PRKCB: variants seen among roughly 807,000 people sequenced by gnomAD.
The protein encoded by PRKCB is protein kinase C beta type.
Under a neutral mutation model 81.5 loss-of-function variants are expected in PRKCB, and 13 were observed. That is an observed-to-expected ratio of 0.16 (90% CI 0.10 to 0.25). The LOEUF is 0.25. Ranked by LOEUF, PRKCB falls within the 10% of genes least tolerant of loss-of-function variation. The probability of loss-of-function intolerance (pLI) is 1.00; values close to 1 mark genes in which losing one functional copy is unlikely to be tolerated. For missense variants in PRKCB, 509 were observed against 875.7 expected (o/e 0.58, Z 5.29); for synonymous variants, 335 against 321.4 (o/e 1.04, Z -0.45).
intron 2 of PRKCB, among the ~76,000 whole-genome samples, chr16:23,861,477 C>G (rs186753418): frequency 3.3e-5 from 5 of 152,250 alleles, no homozygotes; most frequent in Non-Finnish European, 4.4e-5. Flanking sequence ...TGCTTTGGTT[C>G]TTAAAAACAG....
chr16:24,122,587 GT>G (rs1318129803), intron 8 of PRKCB, among the ~76,000 whole-genome samples: 1 of 151,822 alleles, frequency 6.6e-6, no homozygotes, highest in Non-Finnish European at 1.5e-5. Context: ...GGCCTCCCAG[GT>G]AGCTGGGATG....
intron 5 of PRKCB, among the ~76,000 whole-genome samples, chr16:24,054,155 A>G (rs949704020): frequency 6.6e-6 from 1 of 151,982 alleles, no homozygotes; most frequent in South Asian, 2.1e-4. Context: ...TAAAAATTTT[A>G]TAATAGAGAT....
intron 2 of PRKCB, among the ~76,000 whole-genome samples, chr16:23,872,198 C>G (rs1962916746): frequency 6.6e-6 from 1 of 152,202 alleles, no homozygotes; most frequent in Admixed American, 6.5e-5. Context: ...TACAGCACTT[C>G]CAGGTGGCTG....
chr16:24,094,531 C>T (rs748262201), intron 7 of PRKCB, among the ~76,000 whole-genome samples: 6 of 152,028 alleles, frequency 3.9e-5, no homozygotes, highest in African/African-American at 9.7e-5. Context: ...TCTGGGAGGC[C>T]GAGGCAGGTA....
In PRKCB at chr16:24,112,962, T is replaced by C; in HGVS notation, c.822-11T>C. Reference sequence around the variant, plus strand: ...TCATGAAATGTGTCCCACCCCCTTGTCTCCCTTCAGGTTTAAGTTACTGAG... The same window carrying C: ...TCATGAAATGTGTCCCACCCCCTTGCCTCCCTTCAGGTTTAAGTTACTGAG... On this transcript the variant is annotated splice_polypyrimidine_tract_variant and intron_variant, in intron 7 of 16. Coordinates refer to ENST00000643927, the MANE Select transcript of PRKCB (RefSeq NM_002738.7). 1.9e-6 allele frequency: 3 copies of C among 1,586,886 alleles called. No individual in the cohort carries two copies. Among genetic ancestry groups the C allele is most frequent in the Non-Finnish European group, 2.6e-6 (3 of 1,163,654 alleles).
intron 2 of PRKCB, among the ~76,000 whole-genome samples, chr16:23,908,418 A>T (rs1191434307): frequency 2.0e-5 from 3 of 152,090 alleles, no homozygotes; most frequent in Non-Finnish European, 4.4e-5. Context: ...ATGTGGCACC[A>T]CCTGAGCGTC....
chr16:23,863,092 T>G (rs901528901), intron 2 of PRKCB, among the ~76,000 whole-genome samples: 1 of 147,780 alleles, frequency 6.8e-6, no homozygotes, highest in South Asian at 2.1e-4. Flanking sequence ...ATATATATGA[T>G]TATATAATAT....
At chr16:23,979,166 T>C (rs1964662082) in intron 2 of PRKCB, among the ~76,000 whole-genome samples, 1 of 152,208 alleles carries the variant, frequency 6.6e-6, no homozygotes, top group African/African-American at 2.4e-5. Flanking sequence ...GTACTATCAT[T>C]GTCCCTATTT....
intron 2 of PRKCB, among the ~76,000 whole-genome samples, chr16:23,875,053 T>C (rs964075040): frequency 7.4e-6 from 1 of 134,354 alleles, no homozygotes; most frequent in African/African-American, 2.9e-5. Flanking sequence ...TTTTTTTTTT[T>C]TGAGACGGGG....
At chr16:24,129,835 T>G (rs1426953294) in intron 9 of PRKCB, among the ~76,000 whole-genome samples, 2 of 152,256 alleles carry the variant, frequency 1.3e-5, no homozygotes, top group Non-Finnish European at 2.9e-5. Flanking sequence ...CAATTCCTTT[T>G]ATGTAATATA....
intron 2 of PRKCB, among the ~76,000 whole-genome samples, chr16:23,900,681 A>G (rs541340656): frequency 6.5e-5 from 9 of 138,390 alleles, no homozygotes; most frequent in African/African-American, 2.2e-4. Flanking sequence ...ATATCAGCGC[A>G]TATAGAGCAG....
chr16:24,176,061 G>A (rs1173948284), intron 12 of PRKCB, among the ~76,000 whole-genome samples: 1 of 151,838 alleles, frequency 6.6e-6, no homozygotes, highest in Non-Finnish European at 1.5e-5. Flanking sequence ...GATGCTGGTA[G>A]GATGGAGAAA....
intron 5 of PRKCB, among the ~76,000 whole-genome samples, chr16:24,060,769 G>C (rs77657888): frequency 0.016 from 2,414 of 152,294 alleles, 68 homozygotes; most frequent in African/African-American, 0.054. Flanking sequence ...CAGCTACAGA[G>C]CTCCCTCATG....
At chr16:23,888,401 T>TAGA (rs1486897152) in intron 2 of PRKCB, among the ~76,000 whole-genome samples, 1 of 152,196 alleles carries the variant, frequency 6.6e-6, no homozygotes, top group Non-Finnish European at 1.5e-5. Context: ...TGGGTCCTCA[T>TAGA]GGGCTGTAGC....
At chr16:23,853,701 G>A (rs1756243645) in intron 2 of PRKCB, among the ~76,000 whole-genome samples, 1 of 151,854 alleles carries the variant, frequency 6.6e-6, no homozygotes, top group African/African-American at 2.4e-5. Context: ...GAAAGAGTGA[G>A]TTCTATTTGT....
At position 24,217,600 on chromosome 16, in the gene PRKCB, C is replaced by T. The variant is rs1968248951; in HGVS notation, c.*2784C>T. The T allele has an allele frequency of 1.0e-6, 1 of 985,310 alleles. No individual in the cohort carries two copies. Among genetic ancestry groups the T allele is most frequent in the Non-Finnish European group, 1.2e-6 (1 of 829,964 alleles). 61.0% of individuals were successfully genotyped at this position (985,310 alleles called of 1,614,324 possible). On this transcript the variant is annotated 3_prime_UTR_variant, in exon 17 of 17. Transcript: ENST00000643927. ...GGGGATCTGCCCACAGGACAAAGTC[C>T]ATAAAAGCAAGTCCTGTCTGGACCA...
At chr16:24,017,044 A>G (rs920183512) in intron 3 of PRKCB, among the ~76,000 whole-genome samples, 11 of 152,240 alleles carry the variant, frequency 7.2e-5, no homozygotes, top group African/African-American at 2.7e-4. Flanking sequence ...GGGAGAATAC[A>G]TGGATAAGAA....
At chr16:24,055,136 G>A (rs1965888989) in intron 5 of PRKCB, among the ~76,000 whole-genome samples, 1 of 152,238 alleles carries the variant, frequency 6.6e-6, no homozygotes, top group Admixed American at 6.5e-5. Context: ...CCAGAGCTCT[G>A]GGGACTTCTG....
chr16:24,145,363 A>C (rs1966973454), intron 9 of PRKCB, among the ~76,000 whole-genome samples: 1 of 152,198 alleles, frequency 6.6e-6, no homozygotes, highest in Non-Finnish European at 1.5e-5. Context: ...GGATCTCCTG[A>C]GGCCAGGAGT....
Sources: gnomAD v4.1 joint callset for allele counts (sites outside exome capture counted in the v4.1 genomes callset) on GRCh38, gnomAD v4.1.1 for gene constraint, MANE v1.5 for transcripts, NCBI Gene and HGNC (gene_info 2026-07-23, HGNC 2026-07-21) for gene names.